Variants in DDX25 observed in about 807,000 individuals in gnomAD.
The protein encoded by DDX25 is ATP-dependent RNA helicase DDX25.
In DDX25, 70 loss-of-function variants were observed where a neutral mutation model predicts 64.6. The ratio of observed to expected loss-of-function variants is 1.08; its 90% CI spans 0.89 to 1.32. DDX25 has a LOEUF of 1.32. Ranked by LOEUF, DDX25 falls within the 40% of genes most tolerant of loss-of-function variation. The pLI is 0.00. For missense variants in DDX25, 587 were observed against 604.4 expected (o/e 0.97, Z 0.30); for synonymous variants, 211 against 213.3 (o/e 0.99, Z 0.09).
chr11:125,910,428 G>C lies in DDX25; in HGVS notation c.572G>C (p.Gly191Ala). The C allele has an allele frequency of 1.2e-6, 2 of 1,614,032 alleles. No homozygotes were observed. Among genetic ancestry groups the C allele is most frequent in the Non-Finnish European group, 1.7e-6 (2 of 1,179,894 alleles). Residue 191 changes from glycine to alanine, a missense_variant, in exon 7 of 12, where the codon GGA (glycine) becomes GCA (alanine). Transcript: ENST00000263576. The stretch of plus-strand genomic sequence containing the variant: ...ACTGGCCGTGTGGTTGAGCAGATGG[G>C]AAAATTCTGTGTGGATGTTCAAGTG... ...LQTGRVVEQM[G>A]KFCVDVQVMY...
chr11:125,918,822 A>G, intron 10 of DDX25, 32 bp downstream of exon 10: 1 of 1,533,430 alleles, frequency 6.5e-7, no homozygotes, highest in Non-Finnish European at 8.8e-7. Context: ...TTGAGTTCTA[A>G]TTTGCATATG....
intron 4 of DDX25, among the ~76,000 whole-genome samples, chr11:125,906,947 T>C (rs770698373): frequency 6.6e-6 from 1 of 152,116 alleles, no homozygotes; most frequent in Admixed American, 6.5e-5. Context: ...GATAGATAGC[T>C]AAGCTAGGCA....
chr11:125,911,386 T>C lies in DDX25; in HGVS notation c.698T>C (p.Leu233Pro), dbSNP rs1346472891. The change falls in exon 8 of 12, where the codon CTA becomes CCA. Residue 233 changes from leucine (L) to proline (P), a missense_variant. Transcript: ENST00000263576. Reference sequence around the variant, plus strand: ...ACTGTCCTAGATTGGTGTTTTAAACTAAAATTGATTGATTTGACTAAGATT... The same window carrying C: ...ACTGTCCTAGATTGGTGTTTTAAACCAAAATTGATTGATTTGACTAAGATT... The part of the protein sequence containing the change: ...PGTVLDWCFK[L>P]KLIDLTKIRV... 6.2e-7 allele frequency: 1 copy of C among 1,613,800 alleles called. No homozygotes were observed. The highest frequency in any genetic ancestry group is 8.5e-7 in the Non-Finnish European group (1 of 1,179,864).
chr11:125,921,657 G>A lies in DDX25; in HGVS notation c.1390+278G>A, dbSNP rs533805451. ...TGTAATCCCAGCACTTTGGGAGGCC[G>A]AGGTGGTCAGATCATGAGGTCAGGA... On this transcript the variant is annotated intron_variant, in intron 11 of 11. Coordinates refer to ENST00000263576, the MANE Select transcript of DDX25 (RefSeq NM_013264.5). The surrounding 1 kb of genome is among the most constrained non-coding windows in gnomAD (Gnocchi z 4.1). 25 of 304,656 alleles carry A rather than the reference G, an allele frequency of 8.2e-5. No individual in the cohort carries two copies. The highest frequency in any genetic ancestry group is 3.0e-4 in the Admixed American group (7 of 23,148). The allele number at this position is 304,656 out of a possible 1,614,324, so 18.9% of individuals were successfully genotyped here. A position where few individuals can be genotyped will look rare whatever the true frequency, so the allele number is the denominator to read the frequency against.
chr11:125,917,112 T>C lies in DDX25; in HGVS notation c.899T>C (p.Ile300Thr), dbSNP rs773766991. The change falls in exon 9 of 12, where the codon ATC becomes ACC. Residue 300 changes from isoleucine (I) to threonine (T), a missense_variant. Transcript: ENST00000263576. ...CGAATCATCCCTGACCCTAATGTTA[T>C]CAAGTTACGCAAAGAGGAGCTCACA... ...AERIIPDPNVIKLRKEELTLN... is the reference protein window; with the variant it reads ...AERIIPDPNVTKLRKEELTLN... 19 of 1,610,536 alleles carry C rather than the reference T, an allele frequency of 1.2e-5. No homozygotes were observed. Among genetic ancestry groups the C allele is most frequent in the South Asian group, 5.6e-5 (5 of 89,794 alleles).
chr11:125,925,278 G>T lies in DDX25; in HGVS notation c.*2397G>T. ...CAAATGTCCTCAGTAATTTTTGTTT[G>T]GCAGCTGTTCCCACAGGTCTGCATG... On this transcript the variant is annotated 3_prime_UTR_variant, in exon 12 of 12. Transcript: ENST00000263576. 2.7e-6 allele frequency: 1 copy of T among 369,338 alleles called. No individual in the cohort carries two copies. Among genetic ancestry groups the T allele is most frequent in the South Asian group, 2.0e-5 (1 of 50,612 alleles). 22.9% of individuals were successfully genotyped at this position (369,338 alleles called of 1,614,324 possible). A position where few individuals can be genotyped will look rare whatever the true frequency, so the allele number is the denominator to read the frequency against.
At position 125,926,949 on chromosome 11, in the gene DDX25, C is replaced by CA. The variant is rs1205692373; in HGVS notation, c.*4068_*4069insA. The stretch of plus-strand genomic sequence containing the variant: ...GGGTTCTGCCTTATCCCCTGCCACC[C>CA]TCCTGTGCTGCCTGGGTCCCTCAGA... On this transcript the variant is annotated 3_prime_UTR_variant, in exon 12 of 12. Coordinates refer to ENST00000263576, the MANE Select transcript of DDX25 (RefSeq NM_013264.5). 2.0e-5 allele frequency: 3 copies of CA among 152,394 alleles called. No individual in the cohort carries two copies. Among genetic ancestry groups the CA allele is most frequent in the Non-Finnish European group, 4.4e-5 (3 of 68,200 alleles). 9.4% of individuals were successfully genotyped at this position (152,394 alleles called of 1,614,324 possible).
At position 125,908,289 on chromosome 11, in the gene DDX25, G is replaced by T. The variant is rs200154992; in HGVS notation, c.404+1G>T. On this transcript the variant is annotated splice_donor_variant, in intron 5 of 11. Transcript: ENST00000263576. LOFTEE classifies it high-confidence loss of function. ...CTCTCCCTATGATGCTGGCACATCC[G>T]TGAGTTTCCAGGGTAGTGGTATTCT... 3.0e-5 allele frequency: 48 copies of T among 1,613,538 alleles called. No homozygotes were observed. The highest frequency in any genetic ancestry group is 3.4e-6 in the Non-Finnish European group (4 of 1,179,752).
intron 7 of DDX25, among the ~76,000 whole-genome samples, 154 bp from the exon 8 acceptor site, chr11:125,911,157 A>G (rs1487257112): frequency 6.6e-6 from 1 of 152,238 alleles, no homozygotes; most frequent in Non-Finnish European, 1.5e-5. Context: ...AAAATTCTGC[A>G]GAATCAAAAA....
chr11:125,922,163 C>G (rs1446436719), intron 11 of DDX25: 1 of 152,210 alleles, frequency 6.6e-6, no homozygotes, highest in African/African-American at 2.4e-5. Context: ...AAGGCAGGCT[C>G]TGATGATGGC....
intron 1 of DDX25, 37 bp from the exon 2 acceptor site, chr11:125,905,175 C>T (rs1234424886): frequency 9.1e-6 from 14 of 1,545,610 alleles, no homozygotes; most frequent in Non-Finnish European, 1.2e-5. Context: ...TGAGGGCTTG[C>T]ATCCTAATAT....
chr11:125,919,840 G>T (rs553091391), intron 10 of DDX25, among the ~76,000 whole-genome samples: 2 of 152,330 alleles, frequency 1.3e-5, no homozygotes, highest in African/African-American at 4.8e-5. Flanking sequence ...GTTCTATTCT[G>T]TGCTCTTCAG....
chr11:125,917,974 G>A (rs1031465712), intron 9 of DDX25, among the ~76,000 whole-genome samples: 4 of 152,140 alleles, frequency 2.6e-5, no homozygotes, highest in Non-Finnish European at 4.4e-5. Flanking sequence ...CGCCTCCTGG[G>A]TTCAAGCAAT....
intron 6 of DDX25, among the ~76,000 whole-genome samples, chr11:125,909,181 C>G (rs548635557): frequency 6.6e-6 from 1 of 152,282 alleles, no homozygotes; most frequent in East Asian, 1.9e-4. Flanking sequence ...GCTGAGTACC[C>G]ATATGCATTA....
At chr11:125,914,260 G>A (rs946493041) in intron 8 of DDX25, among the ~76,000 whole-genome samples, 2 of 152,122 alleles carry the variant, frequency 1.3e-5, no homozygotes, top group Non-Finnish European at 2.9e-5. Flanking sequence ...TGCATGGCTG[G>A]GGCTGCCACT....
rs757466271 is a variant in DDX25, at chr11:125,922,897, G to A, written c.*16G>A. On this transcript the variant is annotated 3_prime_UTR_variant, in exon 12 of 12. Transcript: ENST00000263576. ...TGACTATTGAAGAAAGAACTTTATT[G>A]TTTGTGCAGTATCCTAGTTTATGTG... 6.3e-7 allele frequency: 1 copy of A among 1,595,852 alleles called. No homozygotes were observed. Among genetic ancestry groups the A allele is most frequent in the Non-Finnish European group, 8.5e-7 (1 of 1,169,642 alleles).
intron 9 of DDX25, 109 bp from the exon 10 acceptor site, chr11:125,918,519 C>T: frequency 2.3e-5 from 32 of 1,414,450 alleles, no homozygotes; most frequent in Non-Finnish European, 3.0e-5. Context: ...AAGCTCAACT[C>T]CTCTGCAGCC....
intron 6 of DDX25, among the ~76,000 whole-genome samples, chr11:125,909,691 T>G (rs1004667227): frequency 6.0e-5 from 9 of 149,944 alleles, no homozygotes; most frequent in South Asian, 4.4e-4. Flanking sequence ...CCCTGTCAAC[T>G]AGGCTGGAGT....
Position 125,911,469 on chromosome 11 carries a change from C to A in DDX25, c.781C>A (p.His261Asn). Residue 261 changes from histidine to asparagine, a missense_variant, in exon 8 of 12, where the codon CAT (histidine) becomes AAT (asparagine). By Grantham distance (68) the His-to-Asn change is moderately conservative (BLOSUM62 1). Transcript: ENST00000263576. ...GATTGACACTCAAGGATTCTCAGAT[C>A]ATAGTATTCGTATTCAAAGGTAATC... ...VMIDTQGFSD[H>N]SIRIQRALPS... The A allele has an allele frequency of 6.2e-7, 1 of 1,613,822 alleles. No homozygotes were observed. Among genetic ancestry groups the A allele is most frequent in the South Asian group, 1.1e-5 (1 of 91,026 alleles).
Sources: allele counts gnomAD v4.1 joint callset (sites outside exome capture counted in the v4.1 genomes callset), GRCh38; gene constraint gnomAD v4.1.1; non-coding constraint Gnocchi (gnomAD v3.1); transcripts MANE v1.5; gene names NCBI Gene and HGNC (gene_info 2026-07-23, HGNC 2026-07-21).